Variants in SLC5A11 observed in about 807,000 individuals in gnomAD.
The protein encoded by SLC5A11 is solute carrier family 5 member 11.
In SLC5A11, 48 loss-of-function variants were observed where a neutral mutation model predicts 69.8. That is an observed-to-expected ratio of 0.69 (90% CI 0.55 to 0.87). The LOEUF is 0.87. SLC5A11 is among the 40% of genes least tolerant of loss of function. The pLI is 0.00. For missense variants in SLC5A11, 784 were observed against 866.1 expected (o/e 0.91, Z 1.19); for synonymous variants, 319 against 342.4 (o/e 0.93, Z 0.75).
At chr16:24,849,378 G>A (rs1287935647) in intron 1 of SLC5A11, among the ~76,000 whole-genome samples, 1 of 151,436 alleles carries the variant, frequency 6.6e-6, no homozygotes, top group Non-Finnish European at 1.5e-5. Context: ...GACAAGCTGG[G>A]CAACATGGTG....
Position 24,891,090 on chromosome 16 carries a change from C to A in SLC5A11, c.870+16C>A. On this transcript the variant is annotated intron_variant, in intron 9 of 15. Transcript: ENST00000347898. ...CACGGATCAGGTACAGGACAGTGGC[C>A]TGAGCAAGTTTTTCCTTCTCTTTGC... The A allele has an allele frequency of 1.2e-6, 2 of 1,605,636 alleles. No homozygotes were observed. Among genetic ancestry groups the A allele is most frequent in the Non-Finnish European group, 1.7e-6 (2 of 1,173,584 alleles).
chr16:24,905,445 A>AAAAAAT (rs1198526978), intron 10 of SLC5A11, among the ~76,000 whole-genome samples: 2 of 151,518 alleles, frequency 1.3e-5, no homozygotes, highest in Non-Finnish European at 2.9e-5. Context: ...CCATCTCAAG[A>AAAAAAT]AAAAATAAAA....
intron 1 of SLC5A11, among the ~76,000 whole-genome samples, chr16:24,853,396 C>T (rs771353901): frequency 1.3e-5 from 2 of 152,206 alleles, no homozygotes; most frequent in African/African-American, 2.4e-5. Flanking sequence ...TAACACAGAG[C>T]TTGGCACACC....
exon 11 of SLC5A11, chr16:24,906,660 A>C (rs751136619): frequency 6.2e-7 from 1 of 1,604,024 alleles, no homozygotes; most frequent in Non-Finnish European, 8.5e-7. Flanking sequence ...TTCGTAGATC[A>C]AGTGGCCTGT....
At chr16:24,894,599 A>G (rs1216403644) in intron 9 of SLC5A11, among the ~76,000 whole-genome samples, 1 of 149,690 alleles carries the variant, frequency 6.7e-6, no homozygotes, top group Non-Finnish European at 1.5e-5. Context: ...CAGGAGATCA[A>G]GACCATCCTG....
chr16:24,879,071 A>G (rs1334217123), intron 7 of SLC5A11, among the ~76,000 whole-genome samples: 2 of 152,176 alleles, frequency 1.3e-5, no homozygotes, highest in African/African-American at 4.8e-5. Context: ...GTATATTATT[A>G]TAACCTGAGA....
rs1414094427 is a variant in SLC5A11 at position 24,905,253 on chromosome 16, G to A, written c.1007-1404G>A. Among the ~76,000 whole-genome samples the A allele has an allele frequency of 1.3e-4, 15 of 119,226 alleles. No individual in the cohort carries two copies. The South Asian group carries it at 2.0e-3, about 16-fold the overall frequency. 78.2% of individuals were successfully genotyped at this position (119,226 alleles called of 152,430 possible). On this transcript the variant is annotated intron_variant, in intron 10 of 15. Coordinates refer to ENST00000347898, the Ensembl canonical transcript of SLC5A11. ...AGCCTGGGCAACATGATGGAACCCC[G>A]TCTCTACTAAAAATACAAAAAAAAA...
Position 24,906,821 on chromosome 16 carries a change from C to T in SLC5A11, c.1114+57C>T, listed in dbSNP as rs8051734. 1.4e-4 allele frequency: 207 copies of T among 1,491,078 alleles called. No individual in the cohort carries two copies. In the African/African-American group the frequency reaches 2.3e-3, roughly 17 times the overall value. The allele number at this position is 1,491,078 out of a possible 1,614,324, so 92.4% of individuals were successfully genotyped here. ...CTGGAGCACCCAGAAAGGAGATCAC[C>T]GGATGGGCTCTGATCCAAGGCAGGG... On this transcript the variant is annotated intron_variant, in intron 11 of 15. Coordinates refer to ENST00000347898, the Ensembl canonical transcript of SLC5A11.
rs142099902 is a variant in SLC5A11, at chr16:24,897,498, C to G, written c.871-476C>G. Among the ~76,000 whole-genome samples, 651 of 152,264 alleles carry G rather than the reference C, an allele frequency of 4.3e-3. 6 individuals carry two copies. Among genetic ancestry groups the G allele is most frequent in the African/African-American group, 0.015 (622 of 41,558 alleles). The stretch of plus-strand genomic sequence containing the variant: ...GATGTTTCTTCAAACAGAAGCTTGG[C>G]AAACCAAGATCCTAAGTCTCCTACA... On this transcript the variant is annotated intron_variant, in intron 9 of 15. Coordinates refer to ENST00000347898, the Ensembl canonical transcript of SLC5A11.
chr16:24,861,105 TA>T (rs2059752931), intron 2 of SLC5A11, among the ~76,000 whole-genome samples: 1 of 152,208 alleles, frequency 6.6e-6, no homozygotes, highest in South Asian at 2.1e-4. Flanking sequence ...TATGGCTTCA[TA>T]TCTTTTGCCT....
intron 9 of SLC5A11, among the ~76,000 whole-genome samples, chr16:24,892,918 T>G (rs1204140562): frequency 6.6e-6 from 1 of 151,942 alleles, no homozygotes; most frequent in Non-Finnish European, 1.5e-5. Flanking sequence ...TTAGCACATC[T>G]CAGGTAGGAG....
At chr16:24,864,243 T>C (rs1054001886) in intron 3 of SLC5A11, among the ~76,000 whole-genome samples, 5 of 152,162 alleles carry the variant, frequency 3.3e-5, no homozygotes, top group Admixed American at 2.6e-4. Context: ...CTGGCTGACC[T>C]TGGGGCTCTG....
At chr16:24,908,941 T>A in exon 14 of SLC5A11, 4 of 1,614,132 alleles carry the variant, frequency 2.5e-6, no homozygotes, top group Non-Finnish European at 3.4e-6. Context: ...GGTCCTGGAC[T>A]TTATTTACGT....
chr16:24,866,634 T>C (rs1042326934), intron 3 of SLC5A11, among the ~76,000 whole-genome samples: 46 of 149,594 alleles, frequency 3.1e-4, no homozygotes, highest in African/African-American at 1.1e-3. Flanking sequence ...GGAAAAAGCC[T>C]GTTTAACCAA....
At chr16:24,907,292 T>G in intron 12 of SLC5A11, 117 bp downstream of exon 13, 1 of 1,108,786 alleles carries the variant, frequency 9.0e-7, no homozygotes, top group Non-Finnish European at 1.3e-6. Flanking sequence ...GGACTCCATG[T>G]GCAAGACATT....
chr16:24,892,442 G>GT (rs1312976509), intron 9 of SLC5A11, among the ~76,000 whole-genome samples: 2 of 114,444 alleles, frequency 1.7e-5, no homozygotes, highest in Non-Finnish European at 3.6e-5. Flanking sequence ...GTCCTTTTGT[G>GT]TTAAAAAAAA....
chr16:24,901,901 A>G (rs1360601842), intron 10 of SLC5A11, among the ~76,000 whole-genome samples: 1 of 151,456 alleles, frequency 6.6e-6, no homozygotes, highest in Non-Finnish European at 1.5e-5. Context: ...CCTGGGCAAC[A>G]TGGCAAGATC....
chr16:24,871,396 A>G (rs1306699147), intron 4 of SLC5A11, among the ~76,000 whole-genome samples: 3 of 151,964 alleles, frequency 2.0e-5, no homozygotes, highest in African/African-American at 4.8e-5. Context: ...TCAGCCTCCC[A>G]AGTAGCTGGG....
chr16:24,911,248 C>T (rs2050502155), intron 15 of SLC5A11, 80 bp from the exon 17 acceptor site: 3 of 1,343,250 alleles, frequency 2.2e-6, no homozygotes, highest in Middle Eastern at 2.5e-4. Context: ...CACTTGAACA[C>T]ATCTGGTGAG....
Sources: allele counts gnomAD v4.1 joint callset (sites outside exome capture counted in the v4.1 genomes callset), GRCh38; gene constraint gnomAD v4.1.1; transcripts MANE v1.5; gene names NCBI Gene and HGNC (gene_info 2026-07-23, HGNC 2026-07-21).